CRYM: variants seen among roughly 807,000 people sequenced by gnomAD.
CRYM encodes the protein ketimine reductase mu-crystallin.
CRYM carries 18 observed loss-of-function variants against 32.9 expected under a neutral mutation model. That is an observed-to-expected ratio of 0.55 (90% CI 0.38 to 0.81). CRYM has a LOEUF of 0.81. Among genes scored for constraint, CRYM ranks in the 30% least tolerant of loss-of-function variants. The pLI is 0.00. For synonymous variants in CRYM, 153 were observed against 152.4 expected, an observed-to-expected ratio of 1.00 and a Z score of -0.03; for missense variants, 337 against 393.5, an observed-to-expected ratio of 0.86 and a Z score of 1.21.
chr16:21,269,577 T>G (rs1295240417), intron 4 of CRYM, among the ~76,000 whole-genome samples: 1 of 152,210 alleles, frequency 6.6e-6, no homozygotes, highest in Non-Finnish European at 1.5e-5. Flanking sequence ...CCCTCTGAAC[T>G]GAGGACTGGA....
chr16:21,266,256 G>A (rs1323564757), intron 5 of CRYM, among the ~76,000 whole-genome samples: 1 of 151,884 alleles, frequency 6.6e-6, no homozygotes, highest in Non-Finnish European at 1.5e-5. Context: ...ACAAAAACTT[G>A]TGACTTTGGA....
At chr16:21,303,036 C>CA in exon 1 of CRYM, 1 of 152,628 alleles carries the variant, frequency 6.6e-6, no homozygotes, top group South Asian at 2.1e-4. Context: ...GTATATCTCA[C>CA]ATAGTGGCAG....
chr16:21,277,613 C>T lies in CRYM; in HGVS notation c.171-29G>A. ...CAAGGAGAGAGGGAGCAGCTTCAGC[C>T]CCTTCCCATCAATGCTGGGGTCTCT... On this transcript the variant is annotated intron_variant, in intron 1 of 7. Transcript: ENST00000572914. The surrounding 1 kb of genome is among the most constrained non-coding windows in gnomAD (Gnocchi z 4.2). The T allele has an allele frequency of 6.2e-7, 1 of 1,612,482 alleles. No homozygotes were observed. The highest frequency in any genetic ancestry group is 8.5e-7 in the Non-Finnish European group (1 of 1,179,848).
At chr16:21,261,890 C>G in intron 6 of CRYM, 147 bp downstream of exon 6, 1 of 911,694 alleles carries the variant, frequency 1.1e-6, no homozygotes, top group Non-Finnish European at 1.7e-6. Flanking sequence ...AAGAGGGTTG[C>G]AAAATGTTTA....
intron 1 of CRYM, among the ~76,000 whole-genome samples, chr16:21,297,119 C>G (rs750277729): frequency 6.7e-6 from 1 of 149,026 alleles, no homozygotes; most frequent in African/African-American, 2.5e-5. Context: ...AAAGGCCAGG[C>G]GCGGTGGCTC....
At chr16:21,270,882 G>A (rs2093373980) in intron 3 of CRYM, among the ~76,000 whole-genome samples, 1 of 152,206 alleles carries the variant, frequency 6.6e-6, no homozygotes, top group Non-Finnish European at 1.5e-5. Flanking sequence ...GCAGGATTCT[G>A]TGATCAACTC....
intron 5 of CRYM, chr16:21,262,368 A>T: frequency 2.0e-6 from 1 of 500,460 alleles, no homozygotes; most frequent in Non-Finnish European, 3.6e-6. Flanking sequence ...CTGTAATCCC[A>T]GCACTTTGGG....
At chr16:21,273,388 CCTAAACTTTGAAGTGT>C (rs1325952758) in intron 3 of CRYM, among the ~76,000 whole-genome samples, 1 of 152,184 alleles carries the variant, frequency 6.6e-6, no homozygotes, top group African/African-American at 2.4e-5. Context: ...GAAGTTTCAG[CCTAAACTTTGAAGTGT>C]CTAAACTTTG....
At chr16:21,271,961 C>T (rs1054248788) in intron 3 of CRYM, among the ~76,000 whole-genome samples, 6 of 151,438 alleles carry the variant, frequency 4.0e-5, no homozygotes, top group Admixed American at 6.6e-5. Context: ...TGGGTTCAAG[C>T]GATTCTCATG....
intron 7 of CRYM, 50 bp from the exon 8 acceptor site, chr16:21,258,895 G>C (rs1453342738): frequency 1.3e-6 from 2 of 1,524,828 alleles, no homozygotes; most frequent in Non-Finnish European, 1.8e-6. Context: ...AACTTTTCTT[G>C]AAACAACCCA....
At position 21,269,770 on chromosome 16, in the gene CRYM, A is replaced by ACCCCCCCCCCCCCCCCCCCCTCCCC; in HGVS notation, c.489+19_489+20insGGGGAGGGGGGGGGGGGGGGGGGGG. The ACCCCCCCCCCCCCCCCCCCCTCCCC allele has an allele frequency of 2.4e-6, 1 of 421,326 alleles. No individual in the cohort carries two copies. The allele number at this position is 421,326 out of a possible 1,614,324, so 26.1% of individuals were successfully genotyped here. A position where few individuals can be genotyped will look rare whatever the true frequency, so the allele number is the denominator to read the frequency against. Reference sequence around the variant, plus strand: ...ACCACCCCCTTCCCTCTTCTCTCCCACCCCCACCCCTGGACTTACCTCCTT... The same window carrying ACCCCCCCCCCCCCCCCCCCCTCCCC: ...ACCACCCCCTTCCCTCTTCTCTCCCACCCCCCCCCCCCCCCCCCCCTCCCCCCCCCACCCCTGGACTTACCTCCTT... On this transcript the variant is annotated intron_variant, in intron 4 of 7. Coordinates refer to ENST00000572914, the MANE Select transcript of CRYM (RefSeq NM_001376256.1).
At chr16:21,296,922 T>C (rs954082945) in intron 1 of CRYM, among the ~76,000 whole-genome samples, 1 of 151,714 alleles carries the variant, frequency 6.6e-6, no homozygotes, top group Non-Finnish European at 1.5e-5. Flanking sequence ...GGCAGGAGAA[T>C]GGTGTGAACC....
At position 21,261,166 on chromosome 16, in the gene CRYM, A is replaced by G. The variant is rs1428260443; in HGVS notation, c.880+88T>C. 4.3e-6 allele frequency: 4 copies of G among 938,722 alleles called. No homozygotes were observed. The African/African-American group carries it at 6.5e-5, about 15-fold the overall frequency. 58.1% of individuals were successfully genotyped at this position (938,722 alleles called of 1,614,324 possible). A position where few individuals can be genotyped will look rare whatever the true frequency, so the allele number is the denominator to read the frequency against. On this transcript the variant is annotated intron_variant, in intron 7 of 7. Coordinates refer to ENST00000572914, the MANE Select transcript of CRYM (RefSeq NM_001376256.1). ...ATGGAGCACAATGATTCAGCTGCAGAGTCTGGTGACTCATTGCTCTTTCCA... is the reference window on the plus strand; with the variant it reads ...ATGGAGCACAATGATTCAGCTGCAGGGTCTGGTGACTCATTGCTCTTTCCA...
chr16:21,287,313 T>A (rs539273788), intron 1 of CRYM, among the ~76,000 whole-genome samples: 5 of 152,294 alleles, frequency 3.3e-5, no homozygotes, highest in Non-Finnish European at 7.4e-5. Flanking sequence ...ATAAGACCTA[T>A]TTTTTGGTAG....
intron 4 of CRYM, 117 bp from the exon 5 acceptor site, chr16:21,267,854 C>A: frequency 1.1e-6 from 1 of 934,310 alleles, no homozygotes; most frequent in Non-Finnish European, 1.7e-6. Context: ...CAGTGGTTAT[C>A]TAAATCACTC....
intron 1 of CRYM, among the ~76,000 whole-genome samples, chr16:21,291,937 T>G (rs1960667446): frequency 2.0e-5 from 3 of 152,160 alleles, no homozygotes; most frequent in African/African-American, 7.2e-5. Flanking sequence ...TTTATCATTT[T>G]TTAGTGAATT....
chr16:21,284,557 T>C (rs2093404392), intron 1 of CRYM, among the ~76,000 whole-genome samples: 1 of 152,160 alleles, frequency 6.6e-6, no homozygotes. Flanking sequence ...ATTTCTTTCT[T>C]TCTTTCTTTC....
At chr16:21,279,774 A>G (rs779606943), upstream of CRYM, among the ~76,000 whole-genome samples, 12 of 152,232 alleles carry the variant, frequency 7.9e-5, no homozygotes, top group African/African-American at 1.9e-4. Flanking sequence ...AAATGGTCAC[A>G]TCATGATAAA....
intron 1 of CRYM, among the ~76,000 whole-genome samples, chr16:21,296,496 C>T (rs571174690): frequency 2.0e-5 from 3 of 152,250 alleles, no homozygotes; most frequent in South Asian, 2.1e-4. Context: ...TAAAAGAACA[C>T]AAATCTACTC....
Sources: allele counts gnomAD v4.1 joint callset (sites outside exome capture counted in the v4.1 genomes callset), GRCh38; gene constraint gnomAD v4.1.1; non-coding constraint Gnocchi (gnomAD v3.1); transcripts MANE v1.5; gene names NCBI Gene and HGNC (gene_info 2026-07-23, HGNC 2026-07-21).